The following CACNA1A variants were observed in gnomAD, a reference collection of about 807,000 sequenced individuals.
CACNA1A encodes the protein calcium voltage-gated channel subunit alpha1 A.
In CACNA1A, 57 loss-of-function variants were observed where a neutral mutation model predicts 262.4. That is an observed-to-expected ratio of 0.22 (90% CI 0.18 to 0.27). The LOEUF (loss-of-function observed/expected upper bound fraction) is 0.27, where lower values mean the gene tolerates loss of function less well. Among genes scored for constraint, CACNA1A ranks in the 10% least tolerant of loss-of-function variants. The pLI is 1.00. For missense variants in CACNA1A, 2,526 were observed against 3,562.8 expected (o/e 0.71, Z 7.41); for synonymous variants, 1,431 against 1,419.3 (o/e 1.01, Z -0.18).
intron 19 of CACNA1A, 120 bp from the exon 20 acceptor site, chr19:13,287,086 T>A (rs1298975316): frequency 1.2e-6 from 1 of 813,206 alleles, no homozygotes; most frequent in African/African-American, 1.7e-5. Flanking sequence ...GCGCAGTGGC[T>A]CACGCCTGTA....
intron 3 of CACNA1A, among the ~76,000 whole-genome samples, chr19:13,422,066 A>C (rs1213098136): frequency 6.6e-6 from 1 of 152,230 alleles, no homozygotes; most frequent in African/African-American, 2.4e-5. Context: ...AACCCCTGTA[A>C]TGCCAATACT....
At chr19:13,228,615 T>A (rs1489726029) in intron 36 of CACNA1A, 4 of 316,646 alleles carry the variant, frequency 1.3e-5, no homozygotes, top group Non-Finnish European at 2.3e-5. Context: ...GATATATATA[T>A]ATATATATAT....
At chr19:13,342,850 A>G (rs1160282002) in intron 6 of CACNA1A, among the ~76,000 whole-genome samples, 1 of 152,160 alleles carries the variant, frequency 6.6e-6, no homozygotes, top group Non-Finnish European at 1.5e-5. Context: ...TCTGTTGTCA[A>G]AAGTCATGGA....
intron 3 of CACNA1A, among the ~76,000 whole-genome samples, chr19:13,395,556 G>A (rs1004258010): frequency 6.6e-6 from 1 of 151,200 alleles, no homozygotes; most frequent in Admixed American, 6.6e-5. Flanking sequence ...AGGCTGCAGT[G>A]AGCCGAGATT....
Position 13,415,231 on chromosome 19 carries a change from C to T in CACNA1A, c.539+37645G>A, listed in dbSNP as rs552605065. 4.7e-4 allele frequency among the ~76,000 whole-genome samples: 72 copies of T among 151,586 alleles called. 1 individual carries two copies. Among genetic ancestry groups the T allele is most frequent in the Admixed American group, 4.5e-3 (68 of 15,206 alleles). Reference sequence around the variant, plus strand: ...GACAGAGAGAAGGCGGGTGTGTGTGCGGCGCGGAATAGAGGCAGGTGGTGC... The same window carrying T: ...GACAGAGAGAAGGCGGGTGTGTGTGTGGCGCGGAATAGAGGCAGGTGGTGC... On this transcript the variant is annotated intron_variant, in intron 3 of 46. Transcript: ENST00000360228.
At chr19:13,359,859 A>G in intron 5 of CACNA1A, 60 bp from the exon 6 acceptor site, 1 of 1,187,792 alleles carries the variant, frequency 8.4e-7, no homozygotes, top group Non-Finnish European at 1.2e-6. Context: ...GCTCTGAGAA[A>G]TAGGGACCAG....
intron 1 of CACNA1A, among the ~76,000 whole-genome samples, chr19:13,475,762 T>C (rs1327198402): frequency 6.6e-6 from 1 of 151,948 alleles, no homozygotes; most frequent in Non-Finnish European, 1.5e-5. Flanking sequence ...AAGAGAAACA[T>C]CAATGGAGGC....
chr19:13,240,541 GGT>G (rs1340794149), intron 31 of CACNA1A, among the ~76,000 whole-genome samples: 3 of 148,090 alleles, frequency 2.0e-5, no homozygotes, highest in Non-Finnish European at 3.0e-5. Context: ...TGTGCATAGT[GGT>G]GTGTGCAGTG....
At chr19:13,369,928 G>A (rs992123956) in intron 4 of CACNA1A, among the ~76,000 whole-genome samples, 7 of 152,096 alleles carry the variant, frequency 4.6e-5, no homozygotes, top group African/African-American at 7.2e-5. Context: ...TGATCCTCTG[G>A]GAAATCTTAC....
Position 13,283,487 on chromosome 19 carries a change from T to C in CACNA1A, c.3693-91A>G, listed in dbSNP as rs569907637. On this transcript the variant is annotated intron_variant, in intron 21 of 46. Transcript: ENST00000360228. ...ATAATCTCATGTTACCTACCACTAC[T>C]GAGATCTCCAACCCCCAAGGCCTCC... is the stretch of plus-strand genomic sequence containing the variant. The C allele has an allele frequency of 2.7e-3, 4,101 of 1,522,146 alleles. 11 individuals carry two copies. Among genetic ancestry groups the C allele is most frequent in the South Asian group, 3.5e-3 (292 of 82,816 alleles). 94.3% of individuals were successfully genotyped at this position (1,522,146 alleles called of 1,614,324 possible).
intron 3 of CACNA1A, among the ~76,000 whole-genome samples, chr19:13,435,105 T>A (rs7249029): frequency 0.017 from 2,540 of 151,264 alleles, 60 homozygotes; most frequent in African/African-American, 0.056. Context: ...TTTTTTTTTT[T>A]AATTTTTTAA....
intron 19 of CACNA1A, among the ~76,000 whole-genome samples, chr19:13,288,317 G>T (rs2057454740): frequency 6.6e-6 from 1 of 151,182 alleles, no homozygotes. Context: ...TTGGCTCACT[G>T]CAACCTCTGC....
At chr19:13,266,334 A>G (rs1196961389) in intron 24 of CACNA1A, among the ~76,000 whole-genome samples, 1 of 151,438 alleles carries the variant, frequency 6.6e-6, no homozygotes, top group Admixed American at 6.6e-5. Context: ...AGCCTCCCAA[A>G]TGGCTGGGAC....
intron 1 of CACNA1A, among the ~76,000 whole-genome samples, chr19:13,463,396 C>G (rs985280977): frequency 5.3e-5 from 8 of 152,182 alleles, no homozygotes; most frequent in Non-Finnish European, 1.2e-4. Flanking sequence ...ACAGTTCTAA[C>G]CAAAATGAAG....
chr19:13,415,064 T>C (rs192250741), intron 3 of CACNA1A, among the ~76,000 whole-genome samples: 20 of 151,318 alleles, frequency 1.3e-4, no homozygotes, highest in African/African-American at 4.6e-4. Context: ...CAAAGCGATT[T>C]TGGGGAAGGT....
intron 38 of CACNA1A, among the ~76,000 whole-genome samples, chr19:13,221,218 T>TTTTCTTTTCTTTTC (rs1555734399): frequency 1.2e-3 from 30 of 25,380 alleles, no homozygotes; most frequent in Middle Eastern, 9.1e-3. Context: ...TTGTTTTTTC[T>TTTTCTTTTCTTTTC]TTTCTTTCTT....
chr19:13,395,839 C>T (rs1308414339), intron 3 of CACNA1A, among the ~76,000 whole-genome samples: 1 of 151,838 alleles, frequency 6.6e-6, no homozygotes, highest in Non-Finnish European at 1.5e-5. Flanking sequence ...GCCCCCCCTC[C>T]ATTCCAGAGA....
At chr19:13,376,503 A>T (rs2059405588) in intron 3 of CACNA1A, among the ~76,000 whole-genome samples, 1 of 151,260 alleles carries the variant, frequency 6.6e-6, no homozygotes, top group East Asian at 1.9e-4. Flanking sequence ...TGGATAACTG[A>T]TATTTTAAGC....
chr19:13,377,493 G>T (rs1599322138), intron 3 of CACNA1A, among the ~76,000 whole-genome samples: 1 of 151,596 alleles, frequency 6.6e-6, no homozygotes. Flanking sequence ...CTCCCAAGTG[G>T]CTGGGATTAC....
Sources: gnomAD v4.1 joint callset for allele counts (sites outside exome capture counted in the v4.1 genomes callset) on GRCh38, gnomAD v4.1.1 for gene constraint, MANE v1.5 for transcripts, NCBI Gene and HGNC (gene_info 2026-07-23, HGNC 2026-07-21) for gene names.